Variants in ATL3 observed in about 807,000 individuals in gnomAD.
ATL3 encodes atlastin GTPase 3.
A neutral mutation model predicts 69.5 loss-of-function variants in ATL3; 49 were observed. The observed-to-expected ratio is 0.71, with a 90% CI of 0.56 to 0.89. The LOEUF is 0.89. ATL3 is among the 40% of genes least tolerant of loss of function. The pLI, the probability that ATL3 is intolerant of heterozygous loss-of-function variation, is 0.00. For synonymous variants in ATL3, 214 were observed against 224.1 expected, an observed-to-expected ratio of 0.95 and a Z score of 0.40; for missense variants, 606 against 645.7, an observed-to-expected ratio of 0.94 and a Z score of 0.67.
chr11:63,637,231 G>A (rs1399866455), intron 8 of ATL3, among the ~76,000 whole-genome samples: 8 of 150,042 alleles, frequency 5.3e-5, no homozygotes, highest in South Asian at 2.1e-4. Flanking sequence ...AGCCGAGATC[G>A]CACCACTGCA....
chr11:63,642,346 C>T (rs1431739641), intron 8 of ATL3, among the ~76,000 whole-genome samples: 4 of 152,068 alleles, frequency 2.6e-5, no homozygotes, highest in African/African-American at 7.2e-5. Context: ...ATATTAAGAC[C>T]AGCTAGAATG....
chr11:63,638,440 C>T (rs922961753), intron 8 of ATL3, among the ~76,000 whole-genome samples: 2 of 152,080 alleles, frequency 1.3e-5, no homozygotes, highest in Admixed American at 6.6e-5. Flanking sequence ...CGTGGTGGCC[C>T]GCACCTGTAA....
chr11:63,645,743 G>T (rs1030049478), intron 6 of ATL3, among the ~76,000 whole-genome samples: 1 of 151,608 alleles, frequency 6.6e-6, no homozygotes, highest in Non-Finnish European at 1.5e-5. Context: ...AGGCGTGCAC[G>T]ACCTTTTTAT....
At chr11:63,669,445 G>A (rs978370427) in intron 1 of ATL3, among the ~76,000 whole-genome samples, 1 of 152,042 alleles carries the variant, frequency 6.6e-6, no homozygotes, top group African/African-American at 2.4e-5. Flanking sequence ...TGCGGCAGGA[G>A]AATCGCTTGA....
chr11:63,636,109 AATTTTT>A lies in ATL3; in HGVS notation c.978+92_978+97del, dbSNP rs1333472227. 3 of 1,501,518 alleles carry A rather than the reference AATTTTT, an allele frequency of 2.0e-6. No homozygotes were observed. In the East Asian group the frequency reaches 6.8e-5, roughly 34 times the overall value. The allele number at this position is 1,501,518 out of a possible 1,614,324, so 93.0% of individuals were successfully genotyped here. A position where few individuals can be genotyped will look rare whatever the true frequency, so the allele number is the denominator to read the frequency against. ...ATGCCTCTCACCATCTCCCCCAGAA[AATTTTT>A]AAGTTTCAAAATATTTAAATTCAAG... On this transcript the variant is annotated intron_variant, in intron 9 of 12. Transcript: ENST00000398868.
Position 63,631,269 on chromosome 11 carries a change from A to G in ATL3, c.1310T>C (p.Val437Ala). Reference sequence around the variant, plus strand: ...TGCAGGGGTTCGGAAGGTGCTGAAGACGTTCTTGCTACCATTGTGCTTGCA... The same window carrying G: ...TGCAGGGGTTCGGAAGGTGCTGAAGGCGTTCTTGCTACCATTGTGCTTGCA... Reference protein sequence around the residue: ...NFCKHNGSKNVFSTFRTPAVL... With the variant: ...NFCKHNGSKNAFSTFRTPAVL... The change falls in exon 12 of 13, where the codon GTC becomes GCC. Residue 437 changes from valine to alanine, a missense_variant. Val to Ala is a moderately conservative substitution (Grantham distance 64). Transcript: ENST00000398868. 2 of 1,614,202 alleles carry G rather than the reference A, an allele frequency of 1.2e-6. No individual in the cohort carries two copies. Among genetic ancestry groups the G allele is most frequent in the Non-Finnish European group, 1.7e-6 (2 of 1,180,034 alleles).
At chr11:63,634,595 CTT>C (rs915409424) in intron 10 of ATL3, among the ~76,000 whole-genome samples, 1 of 152,128 alleles carries the variant, frequency 6.6e-6, no homozygotes, top group African/African-American at 2.4e-5. Flanking sequence ...TAAATCAACA[CTT>C]GGCAATAAAT....
intron 8 of ATL3, among the ~76,000 whole-genome samples, chr11:63,642,619 A>C (rs1384874768): frequency 2.6e-5 from 4 of 152,222 alleles, no homozygotes; most frequent in Non-Finnish European, 2.9e-5. Context: ...CACTTTGAGC[A>C]AGTTACTTAA....
chr11:63,635,832 T>G (rs745762711), intron 9 of ATL3, among the ~76,000 whole-genome samples: 4 of 149,390 alleles, frequency 2.7e-5, no homozygotes, highest in Non-Finnish European at 4.4e-5. Flanking sequence ...CCATGCACGC[T>G]GGCCTCACCA....
intron 5 of ATL3, among the ~76,000 whole-genome samples, chr11:63,648,894 G>A (rs1191992454): frequency 6.6e-6 from 1 of 151,982 alleles, no homozygotes; most frequent in African/African-American, 2.4e-5. Context: ...GAGGCAGGCA[G>A]ATCATTTCAG....
intron 6 of ATL3, among the ~76,000 whole-genome samples, chr11:63,645,075 T>C (rs941226219): frequency 1.1e-4 from 17 of 148,652 alleles, no homozygotes; most frequent in Non-Finnish European, 2.4e-4. Flanking sequence ...AGCGAGACTC[T>C]GTCTCCAAAA....
Position 63,634,488 on chromosome 11 carries a change from C to G in ATL3, c.1035+1046G>C, listed in dbSNP as rs144515775. 1.2e-3 allele frequency among the ~76,000 whole-genome samples: 180 copies of G among 151,216 alleles called. 1 individual carries two copies. The highest frequency in any genetic ancestry group is 4.2e-3 in the African/African-American group (172 of 41,194). ...TGCCACTGCACTCCAGCCTGGGCAA[C>G]AGAGCAAGATTCCACCTCAAAAAAA... On this transcript the variant is annotated intron_variant, in intron 10 of 12. Coordinates refer to ENST00000398868, the MANE Select transcript of ATL3 (RefSeq NM_015459.5).
intron 9 of ATL3, 113 bp from the exon 10 acceptor site, chr11:63,635,703 C>G: frequency 1.2e-6 from 1 of 805,522 alleles, no homozygotes; most frequent in Non-Finnish European, 2.0e-6. Flanking sequence ...CTTAGGTCAA[C>G]AACCAGGAAT....
In ATL3 at chr11:63,658,777, T is replaced by C. The variant is rs1284722465; in HGVS notation, c.389A>G (p.Lys130Arg). Reference protein sequence around the residue: ...QIWSEVFTVEKPGGKKVAVVL... With the variant: ...QIWSEVFTVERPGGKKVAVVL... ...CATCCTTACCTTCTTCCCACCTGGC[T>C]TCTCCACAGTGAAAACTTCACTCCA... is the stretch of plus-strand genomic sequence containing the variant. Residue 130 changes from lysine (K) to arginine (R), a missense_variant, in exon 3 of 13, where the codon AAG becomes AGG. Lys to Arg is a conservative substitution (Grantham distance 26). Coordinates refer to ENST00000398868, the MANE Select transcript of ATL3 (RefSeq NM_015459.5). 2.5e-6 allele frequency: 4 copies of C among 1,603,446 alleles called. No homozygotes were observed. The African/African-American group carries it at 5.4e-5, about 22-fold the overall frequency.
At chr11:63,671,549 GAGGCT>G (rs1234045451), upstream of ATL3, 1 of 1,418,726 alleles carries the variant, frequency 7.0e-7, no homozygotes, top group African/African-American at 1.5e-5. Context: ...AGCGCAGGAC[GAGGCT>G]AGGCGAGGCG....
At chr11:63,630,515 G>A (rs1939276486) in intron 12 of ATL3, among the ~76,000 whole-genome samples, 1 of 149,688 alleles carries the variant, frequency 6.7e-6, no homozygotes, top group Non-Finnish European at 1.5e-5. Flanking sequence ...GGCTATTTTT[G>A]GGCTGGGCAC....
chr11:63,663,332 A>G (rs1162635696), intron 1 of ATL3, among the ~76,000 whole-genome samples: 1 of 152,008 alleles, frequency 6.6e-6, no homozygotes, highest in African/African-American at 2.4e-5. Flanking sequence ...TGTGGCCCAC[A>G]TTAGTCTCAA....
chr11:63,642,988 T>C (rs965068064), intron 8 of ATL3, among the ~76,000 whole-genome samples: 1 of 152,236 alleles, frequency 6.6e-6, no homozygotes, highest in African/African-American at 2.4e-5. Flanking sequence ...ACAAATAAGA[T>C]GAAAATAATA....
upstream of ATL3, chr11:63,671,906 GT>G (rs1448798083): frequency 1.0e-5 from 3 of 294,998 alleles, no homozygotes; most frequent in Non-Finnish European, 1.8e-5. Context: ...CAGCTTTGGT[GT>G]TTAACTAGGC....
Sources: allele counts gnomAD v4.1 joint callset (sites outside exome capture counted in the v4.1 genomes callset), GRCh38; gene constraint gnomAD v4.1.1; transcripts MANE v1.5; gene names NCBI Gene and HGNC (gene_info 2026-07-23, HGNC 2026-07-21).